CTNNA3: variants seen among roughly 807,000 people sequenced by gnomAD.
The protein encoded by CTNNA3 is catenin alpha-3.
In CTNNA3, 76 loss-of-function variants were observed where a neutral mutation model predicts 95.7. The ratio of observed to expected loss-of-function variants is 0.79; its 90% CI spans 0.66 to 0.96. The LOEUF is 0.96. Ranked by LOEUF, CTNNA3 falls within the 40% of genes least tolerant of loss-of-function variation. The pLI is 0.00. For missense variants in CTNNA3, 1,191 were observed against 1,089.8 expected, an observed-to-expected ratio of 1.09 and a Z score of -1.31; for synonymous variants, 431 against 374.4, an observed-to-expected ratio of 1.15 and a Z score of -1.74.
intron 5 of CTNNA3, among the ~76,000 whole-genome samples, chr10:67,244,688 A>G (rs1865844688): frequency 1.3e-5 from 2 of 152,228 alleles, no homozygotes; most frequent in South Asian, 4.1e-4. Flanking sequence ...CATAGGAATT[A>G]TAAGGAAAGC....
At chr10:66,433,235 C>A (rs2093311528) in intron 11 of CTNNA3, among the ~76,000 whole-genome samples, 1 of 152,176 alleles carries the variant, frequency 6.6e-6, no homozygotes, top group Non-Finnish European at 1.5e-5. Flanking sequence ...TTGTCTTCCA[C>A]AATGGTTGAA....
intron 7 of CTNNA3, among the ~76,000 whole-genome samples, chr10:67,072,978 C>T (rs999970670): frequency 1.3e-5 from 2 of 152,278 alleles, no homozygotes; most frequent in African/African-American, 4.8e-5. Flanking sequence ...CAGTTTGTCC[C>T]AGCCTTGCAG....
At chr10:67,632,126 C>CA (rs1839161671) in intron 2 of CTNNA3, among the ~76,000 whole-genome samples, 12 of 139,064 alleles carry the variant, frequency 8.6e-5, no homozygotes. Flanking sequence ...AGTGTCTTAG[C>CA]CACACACACA....
intron 11 of CTNNA3, among the ~76,000 whole-genome samples, chr10:66,490,369 A>G (rs1839880605): frequency 2.6e-5 from 4 of 152,204 alleles, no homozygotes; most frequent in Admixed American, 2.6e-4. Flanking sequence ...TTTAAAAATA[A>G]ATATGATGAA....
intron 2 of CTNNA3, among the ~76,000 whole-genome samples, chr10:67,631,913 A>T (rs1839154601): frequency 6.6e-6 from 1 of 152,196 alleles, no homozygotes; most frequent in South Asian, 2.1e-4. Context: ...GTGAAATCTA[A>T]AAAAGTTAAA....
chr10:67,561,040 G>C (rs562692916), intron 3 of CTNNA3, among the ~76,000 whole-genome samples: 6 of 148,748 alleles, frequency 4.0e-5, no homozygotes, highest in South Asian at 4.3e-4. Context: ...ATAATAATGG[G>C]AGACTTAAAC....
intron 12 of CTNNA3, among the ~76,000 whole-genome samples, chr10:66,356,352 C>T (rs1458553494): frequency 6.6e-6 from 1 of 151,590 alleles, no homozygotes; most frequent in Non-Finnish European, 1.5e-5. Flanking sequence ...TTTTTAAGGT[C>T]TTCTTTAATT....
At chr10:65,962,154 G>T (rs1354296451) in intron 17 of CTNNA3, among the ~76,000 whole-genome samples, 1 of 152,020 alleles carries the variant, frequency 6.6e-6, no homozygotes, top group Admixed American at 6.6e-5. Flanking sequence ...TAAAAAAATG[G>T]CATCCAACAT....
At chr10:67,263,956 TA>T (rs1272580543) in intron 5 of CTNNA3, among the ~76,000 whole-genome samples, 1 of 151,874 alleles carries the variant, frequency 6.6e-6, no homozygotes, top group Non-Finnish European at 1.5e-5. Context: ...TGTCAGACAA[TA>T]AAGCAGTTTG....
intron 12 of CTNNA3, among the ~76,000 whole-genome samples, chr10:66,330,592 G>A (rs2092313739): frequency 6.6e-6 from 1 of 152,022 alleles, no homozygotes; most frequent in South Asian, 2.1e-4. Flanking sequence ...ACCCAGCAAT[G>A]GGATGGCTGG....
intron 6 of CTNNA3, among the ~76,000 whole-genome samples, chr10:67,210,238 C>T (rs1864084913): frequency 6.6e-6 from 1 of 152,012 alleles, no homozygotes; most frequent in Admixed American, 6.6e-5. Context: ...ACCTGGGAGG[C>T]AGAGATTGCA....
chr10:66,050,002 T>C (rs935408774), intron 15 of CTNNA3, among the ~76,000 whole-genome samples: 13 of 151,986 alleles, frequency 8.6e-5, no homozygotes, highest in Non-Finnish European at 1.5e-4. Context: ...AAGAGAGAAA[T>C]GTTTAACAAT....
upstream of CTNNA3, among the ~76,000 whole-genome samples, chr10:67,701,024 CA>C (rs2133602803): frequency 6.6e-6 from 1 of 152,188 alleles, no homozygotes; most frequent in South Asian, 2.1e-4. Flanking sequence ...GAAAGTGTAT[CA>C]GTGATGGAAG....
chr10:67,378,136 CT>C (rs1393949748), intron 5 of CTNNA3, among the ~76,000 whole-genome samples: 1 of 151,942 alleles, frequency 6.6e-6, no homozygotes, highest in Non-Finnish European at 1.5e-5. Flanking sequence ...CTACTTTTTA[CT>C]TTTTTTTATG....
intron 16 of CTNNA3, among the ~76,000 whole-genome samples, chr10:65,976,955 T>A (rs2078218996): frequency 6.6e-6 from 1 of 152,162 alleles, no homozygotes; most frequent in Non-Finnish European, 1.5e-5. Context: ...ACATTGTATA[T>A]CTTAAGTCCT....
At chr10:66,336,834 G>A (rs1367008309) in intron 12 of CTNNA3, among the ~76,000 whole-genome samples, 1 of 151,976 alleles carries the variant, frequency 6.6e-6, no homozygotes, top group African/African-American at 2.4e-5. Flanking sequence ...GGGCCTCCAG[G>A]GGGGCCTTGA....
At chr10:66,790,539 A>G (rs1840929653) in intron 7 of CTNNA3, among the ~76,000 whole-genome samples, 1 of 152,210 alleles carries the variant, frequency 6.6e-6, no homozygotes, top group Non-Finnish European at 1.5e-5. Context: ...AAAGAGTATC[A>G]ATAATATAAA....
chr10:67,199,691 G>A (rs773012937), intron 6 of CTNNA3, among the ~76,000 whole-genome samples: 16 of 152,076 alleles, frequency 1.1e-4, no homozygotes, highest in Non-Finnish European at 2.9e-5. Context: ...TGTTCAGCAT[G>A]TCCCTTCCTG....
At chr10:67,121,082 C>CA (rs1859442315) in intron 7 of CTNNA3, among the ~76,000 whole-genome samples, 2 of 152,006 alleles carry the variant, frequency 1.3e-5, no homozygotes, top group Non-Finnish European at 2.9e-5. Context: ...TAAAAGCATT[C>CA]CCTTGAATAA....
Sources: gnomAD v4.1 joint callset for allele counts (sites outside exome capture counted in the v4.1 genomes callset) on GRCh38, gnomAD v4.1.1 for gene constraint, MANE v1.5 for transcripts, NCBI Gene and HGNC (gene_info 2026-07-23, HGNC 2026-07-21) for gene names.